The following MACROD2 variants were observed in gnomAD, a reference collection of about 807,000 sequenced individuals.
MACROD2 encodes ADP-ribose glycohydrolase MACROD2.
A neutral mutation model predicts 70.4 loss-of-function variants in MACROD2; 36 were observed. That is an observed-to-expected ratio of 0.51 (90% CI 0.39 to 0.68). The LOEUF (loss-of-function observed/expected upper bound fraction) is 0.68. MACROD2 is among the 30% of genes least tolerant of loss of function. MACROD2 has a pLI of 0.00. For synonymous variants in MACROD2, 172 were observed against 178.8 expected, an observed-to-expected ratio of 0.96 and a Z score of 0.30; for missense variants, 496 against 538.4, an observed-to-expected ratio of 0.92 and a Z score of 0.78.
Position 14,102,470 on chromosome 20 carries a change from T to C in MACROD2, c.271+16742T>C, listed in dbSNP as rs138080827. On this transcript the variant is annotated intron_variant, in intron 3 of 17. Coordinates refer to ENST00000684519, the MANE Select transcript of MACROD2 (RefSeq NM_001351661.2). Reference sequence around the variant, plus strand: ...AGCTGGCTACAAACTACTTATAGAATGATACTGTTAAAGTTTGGGGGAGCA... The same window carrying C: ...AGCTGGCTACAAACTACTTATAGAACGATACTGTTAAAGTTTGGGGGAGCA... Among the ~76,000 whole-genome samples, 253 of 152,236 alleles carry C rather than the reference T, an allele frequency of 1.7e-3. 1 individual carries two copies. Among genetic ancestry groups the C allele is most frequent in the African/African-American group, 5.8e-3 (240 of 41,550 alleles).
Position 14,236,485 on chromosome 20 carries a change from C to CA in MACROD2, c.271+150765dup, listed in dbSNP as rs746169709. Among the ~76,000 whole-genome samples, 59 of 151,042 alleles carry CA rather than the reference C, an allele frequency of 3.9e-4. No homozygotes were observed. The South Asian group carries it at 8.0e-3, about 20-fold the overall frequency. On this transcript the variant is annotated intron_variant, in intron 3 of 17. Coordinates refer to ENST00000684519, the MANE Select transcript of MACROD2 (RefSeq NM_001351661.2). ...TAGTCTTGCTTACTTAAAAAAAAAG[C>CA]AAAAAAAACTACATCTGCCACCTTG...
chr20:15,458,710 A>T (rs1399122955), intron 7 of MACROD2, among the ~76,000 whole-genome samples: 3 of 149,564 alleles, frequency 2.0e-5, no homozygotes, highest in Non-Finnish European at 4.4e-5. Flanking sequence ...GTCATTGGTG[A>T]TATTCATTTA....
At chr20:14,825,285 A>G (rs2072888963) in intron 5 of MACROD2, among the ~76,000 whole-genome samples, 1 of 152,060 alleles carries the variant, frequency 6.6e-6, no homozygotes, top group South Asian at 2.1e-4. Flanking sequence ...AGTGCTTGGC[A>G]GTGAAGCAAG....
At chr20:15,095,568 A>G (rs545571926) in intron 5 of MACROD2, among the ~76,000 whole-genome samples, 1 of 151,814 alleles carries the variant, frequency 6.6e-6, no homozygotes, top group Non-Finnish European at 1.5e-5. Flanking sequence ...CCCAGGCTGG[A>G]GTGCAGTGGC....
intron 4 of MACROD2, among the ~76,000 whole-genome samples, chr20:14,681,947 A>G (rs1382010093): frequency 6.6e-6 from 1 of 152,136 alleles, no homozygotes; most frequent in African/African-American, 2.4e-5. Flanking sequence ...GGAAATGGAG[A>G]TGATAAAATT....
intron 8 of MACROD2, among the ~76,000 whole-genome samples, chr20:15,711,745 G>A (rs1266627134): frequency 6.6e-6 from 1 of 152,146 alleles, no homozygotes; most frequent in Non-Finnish European, 1.5e-5. Flanking sequence ...CAACTGGCTT[G>A]TATCACTCCC....
At chr20:15,759,386 A>G (rs1395481622) in intron 8 of MACROD2, among the ~76,000 whole-genome samples, 2 of 152,216 alleles carry the variant, frequency 1.3e-5, no homozygotes, top group Non-Finnish European at 2.9e-5. Flanking sequence ...TGTGTACTCC[A>G]ATGCACAAAT....
intron 6 of MACROD2, among the ~76,000 whole-genome samples, chr20:15,377,802 C>T (rs575339612): frequency 1.6e-4 from 24 of 152,320 alleles, no homozygotes; most frequent in Middle Eastern, 3.4e-3. Context: ...TAGTGAGCCA[C>T]GCATGTGGTA....
intron 2 of MACROD2, among the ~76,000 whole-genome samples, chr20:14,072,135 A>G (rs1569145808): frequency 6.6e-6 from 1 of 152,220 alleles, no homozygotes; most frequent in Non-Finnish European, 1.5e-5. Flanking sequence ...ATTTTGTCAA[A>G]TAGTAGCAGA....
chr20:14,685,297 C>T (rs938906925), intron 5 of MACROD2, among the ~76,000 whole-genome samples: 2 of 152,030 alleles, frequency 1.3e-5, no homozygotes, highest in Non-Finnish European at 2.9e-5. Context: ...AGTGACAGCT[C>T]CTGGAAATGA....
chr20:14,700,263 C>T (rs1448572183), intron 5 of MACROD2, among the ~76,000 whole-genome samples: 5 of 151,804 alleles, frequency 3.3e-5, no homozygotes, highest in South Asian at 2.1e-4. Flanking sequence ...ACTCATTTTT[C>T]ACTTCTTCTT....
At chr20:14,870,843 A>G (rs923511125) in intron 5 of MACROD2, among the ~76,000 whole-genome samples, 1 of 152,136 alleles carries the variant, frequency 6.6e-6, no homozygotes, top group African/African-American at 2.4e-5. Flanking sequence ...GATGCTGGAT[A>G]TTAGACCTTT....
intron 6 of MACROD2, among the ~76,000 whole-genome samples, chr20:15,301,236 A>G (rs935712852): frequency 6.6e-6 from 1 of 152,200 alleles, no homozygotes; most frequent in Non-Finnish European, 1.5e-5. Flanking sequence ...GGAAGAGGAT[A>G]TAAGTCTTTT....
chr20:15,166,343 A>G (rs1657964), intron 5 of MACROD2, among the ~76,000 whole-genome samples: 46,825 of 152,016 alleles, frequency 0.31, 7,579 homozygotes, highest in East Asian at 0.55. Flanking sequence ...GAATGCCCTT[A>G]TGAAAGAGAC....
chr20:14,406,264 G>A (rs1368502700), intron 3 of MACROD2, among the ~76,000 whole-genome samples: 1 of 152,006 alleles, frequency 6.6e-6, no homozygotes, highest in Non-Finnish European at 1.5e-5. Flanking sequence ...AGTTCTGTAG[G>A]TTTCTTTTTG....
rs187863620 is a variant in MACROD2, at chr20:14,764,586, A to G, written c.418+79627A>G. ...CCTGTGAGGACCAGCAAGTACCTTC[A>G]TGGATCCTTATTTACCCTAAAACAG... On this transcript the variant is annotated intron_variant, in intron 5 of 17. Coordinates refer to ENST00000684519, the MANE Select transcript of MACROD2 (RefSeq NM_001351661.2). 3.4e-4 allele frequency among the ~76,000 whole-genome samples: 52 copies of G among 152,192 alleles called. No individual in the cohort carries two copies. The East Asian group carries it at 8.3e-3, about 24-fold the overall frequency.
chr20:15,746,309 A>C (rs1279173232), intron 8 of MACROD2, among the ~76,000 whole-genome samples: 1 of 151,910 alleles, frequency 6.6e-6, no homozygotes, highest in Non-Finnish European at 1.5e-5. Flanking sequence ...TAATTTTCTA[A>C]ATATCTGTTA....
rs957118131 is a variant in MACROD2, at chr20:14,584,535, G to C, written c.301+91027G>C. 2.6e-5 allele frequency among the ~76,000 whole-genome samples: 4 copies of C among 151,954 alleles called. No individual in the cohort carries two copies. In the East Asian group the frequency reaches 7.7e-4, roughly 29 times the overall value. Reference sequence around the variant, plus strand: ...ATTCTTGCATGGCAGAGAGAAAAAGGGCTATTCTTCTTCTTCTTATAAAGA... The same window carrying C: ...ATTCTTGCATGGCAGAGAGAAAAAGCGCTATTCTTCTTCTTCTTATAAAGA... On this transcript the variant is annotated intron_variant, in intron 4 of 17. Coordinates refer to ENST00000684519, the MANE Select transcript of MACROD2 (RefSeq NM_001351661.2).
At chr20:15,778,648 C>CT (rs2051774055) in intron 8 of MACROD2, among the ~76,000 whole-genome samples, 1 of 151,822 alleles carries the variant, frequency 6.6e-6, no homozygotes, top group Non-Finnish European at 1.5e-5. Flanking sequence ...AAATATTTTA[C>CT]TTTAGGTACA....
Sources: gnomAD v4.1 joint callset for allele counts (sites outside exome capture counted in the v4.1 genomes callset) on GRCh38, gnomAD v4.1.1 for gene constraint, MANE v1.5 for transcripts, NCBI Gene and HGNC (gene_info 2026-07-23, HGNC 2026-07-21) for gene names.